MDFIC: variants seen among roughly 807,000 people sequenced by gnomAD.
MDFIC encodes the protein myoD family inhibitor domain-containing protein.
A neutral mutation model predicts 23.2 loss-of-function variants in MDFIC; 17 were observed. The observed-to-expected ratio is 0.73, with a 90% CI of 0.50 to 1.10. The LOEUF is 1.10. MDFIC is among the 50% of genes least tolerant of loss of function. The pLI is 0.00. For missense variants in MDFIC, 356 were observed against 316.6 expected, an observed-to-expected ratio of 1.12 and a Z score of -0.95; for synonymous variants, 120 against 115.2, an observed-to-expected ratio of 1.04 and a Z score of -0.27.
chr7:115,012,331 G>A lies in MDFIC; in HGVS notation c.494-3357G>A, dbSNP rs1332362743. ...GAATGGCCAATGAACATGAAAAAAT[G>A]TCCAAACCTATTAGGAAACAAGGAA... On this transcript the variant is annotated intron_variant, in intron 4 of 4. Transcript: ENST00000393486. 2.6e-5 allele frequency among the ~76,000 whole-genome samples: 4 copies of A among 152,132 alleles called. No homozygotes were observed. The South Asian group carries it at 6.2e-4, about 24-fold the overall frequency.
Position 114,922,519 on chromosome 7 carries a change from G to A in MDFIC, c.-225G>A, listed in dbSNP as rs945405932. 9.5e-6 allele frequency: 12 copies of A among 1,260,358 alleles called. No homozygotes were observed. In the African/African-American group the frequency reaches 1.2e-4, roughly 13 times the overall value. 78.1% of individuals were successfully genotyped at this position (1,260,358 alleles called of 1,614,324 possible). A position where few individuals can be genotyped will look rare whatever the true frequency, so the allele number is the denominator to read the frequency against. On this transcript the variant is annotated 5_prime_UTR_variant, in exon 1 of 5. Coordinates refer to ENST00000393486, the MANE Select transcript of MDFIC (RefSeq NM_001166345.3). ...AGGACGCGCAGGGGCGGCCGCCGCC[G>A]TCGTCAGGCCACCGGGGCGAAAATG...
intron 2 of MDFIC, among the ~76,000 whole-genome samples, chr7:114,935,349 A>G (rs1459107138): frequency 6.6e-6 from 1 of 152,052 alleles, no homozygotes; most frequent in Non-Finnish European, 1.5e-5. Flanking sequence ...TAACATGCAA[A>G]AGTCTCAAAA....
intron 3 of MDFIC, among the ~76,000 whole-genome samples, chr7:114,975,153 A>T (rs1291998521): frequency 6.6e-6 from 1 of 152,090 alleles, no homozygotes; most frequent in Non-Finnish European, 1.5e-5. Context: ...GAATGTTCAC[A>T]TATCAAACAA....
rs937976897 is a variant in MDFIC at position 114,922,240 on chromosome 7, C to T, written c.-504C>T. ...GCCCGGGTCGCGCCGCTCCCAGCAT[C>T]GGGGCCGCTAGCCAAGAGTTCGAGG... On this transcript the variant is annotated 5_prime_UTR_variant, in exon 1 of 5. Transcript: ENST00000393486. 5 of 575,890 alleles carry T rather than the reference C, an allele frequency of 8.7e-6. No individual in the cohort carries two copies. The highest frequency in any genetic ancestry group is 1.3e-5 in the Non-Finnish European group (5 of 389,672). 35.7% of individuals were successfully genotyped at this position (575,890 alleles called of 1,614,324 possible). A position where few individuals can be genotyped will look rare whatever the true frequency, so the allele number is the denominator to read the frequency against.
chr7:114,984,232 C>T (rs993885450), intron 4 of MDFIC, among the ~76,000 whole-genome samples: 3 of 152,174 alleles, frequency 2.0e-5, no homozygotes, highest in East Asian at 1.9e-4. Flanking sequence ...GCCCTTCTTA[C>T]CACAGTTTTA....
intron 3 of MDFIC, among the ~76,000 whole-genome samples, chr7:114,970,614 G>T (rs769313984): frequency 2.0e-5 from 3 of 152,108 alleles, no homozygotes; most frequent in Admixed American, 1.3e-4. Flanking sequence ...CCTTCCCCAG[G>T]ATTTACTCCT....
chr7:115,000,772 C>T (rs2709517), intron 4 of MDFIC, among the ~76,000 whole-genome samples: 64,474 of 152,020 alleles, frequency 0.42, 13,860 homozygotes, highest in Middle Eastern at 0.47. Context: ...TAGTCAGCAA[C>T]GCCAGGATGC....
intron 2 of MDFIC, among the ~76,000 whole-genome samples, chr7:114,941,070 G>T (rs1792527566): frequency 1.3e-5 from 2 of 151,988 alleles, no homozygotes; most frequent in Admixed American, 1.3e-4. Context: ...TCCCTCAGTT[G>T]AAATAGAATC....
At chr7:114,957,267 T>A (rs1464217910) in intron 3 of MDFIC, among the ~76,000 whole-genome samples, 1 of 152,172 alleles carries the variant, frequency 6.6e-6, no homozygotes, top group Non-Finnish European at 1.5e-5. Flanking sequence ...CGATTTTGCC[T>A]ATTTTTTTCT....
chr7:115,007,158 T>A (rs1791585468), intron 4 of MDFIC, among the ~76,000 whole-genome samples: 2 of 152,174 alleles, frequency 1.3e-5, no homozygotes, highest in African/African-American at 4.8e-5. Flanking sequence ...CTCCTTAGGT[T>A]AAAATAGAAT....
rs1791862683 is a variant in MDFIC, at chr7:115,019,641, C to T, written c.*3706C>T. 6.6e-6 allele frequency among the ~76,000 whole-genome samples: 1 copy of T among 152,032 alleles called. No individual in the cohort carries two copies. Among genetic ancestry groups the T allele is most frequent in the Non-Finnish European group, 1.5e-5 (1 of 67,966 alleles). On this transcript the variant is annotated 3_prime_UTR_variant, in exon 5 of 5. Coordinates refer to ENST00000393486, the MANE Select transcript of MDFIC (RefSeq NM_001166345.3). ...TCAAATTATTTAAGACCTTTATGCC[C>T]CTTCCAATTACTTGTGATTTGTAGG...
Position 115,018,227 on chromosome 7 carries a change from A to T in MDFIC, c.*2292A>T, listed in dbSNP as rs948651347. 1 of 152,024 alleles carries T rather than the reference A, an allele frequency of 6.6e-6. No individual in the cohort carries two copies. Among genetic ancestry groups the T allele is most frequent in the Admixed American group, 6.6e-5 (1 of 15,260 alleles). 9.4% of individuals were successfully genotyped at this position (152,024 alleles called of 1,614,324 possible). A position where few individuals can be genotyped will look rare whatever the true frequency, so the allele number is the denominator to read the frequency against. ...ATATACCCAAAATTAACTTATGCTC[A>T]TATATTAGGATGTGAGAATATCATC... is the stretch of plus-strand genomic sequence containing the variant. On this transcript the variant is annotated 3_prime_UTR_variant, in exon 5 of 5. Transcript: ENST00000393486.
At chr7:114,990,886 A>G (rs1356708091) in intron 4 of MDFIC, among the ~76,000 whole-genome samples, 1 of 152,088 alleles carries the variant, frequency 6.6e-6, no homozygotes, top group African/African-American at 2.4e-5. Context: ...GCTGGGTCAA[A>G]TGGTATTTCT....
intron 2 of MDFIC, chr7:114,923,681 C>A: frequency 2.1e-6 from 3 of 1,403,018 alleles, no homozygotes; most frequent in Admixed American, 5.9e-5. Flanking sequence ...GAATTAGCTT[C>A]TTTGTGTTCT....
At chr7:114,959,912 G>A (rs112859641) in intron 3 of MDFIC, among the ~76,000 whole-genome samples, 14 of 151,988 alleles carry the variant, frequency 9.2e-5, no homozygotes, top group African/African-American at 3.4e-4. Flanking sequence ...TTTCTCGTCA[G>A]CCACTTCCTA....
intron 4 of MDFIC, chr7:115,014,442 T>C: frequency 1.6e-6 from 2 of 1,289,774 alleles, no homozygotes; most frequent in Non-Finnish European, 2.0e-6. Flanking sequence ...TGGTTTTCTT[T>C]CCTACATCTT....
At chr7:114,996,733 T>G (rs1791341063) in intron 4 of MDFIC, among the ~76,000 whole-genome samples, 1 of 152,136 alleles carries the variant, frequency 6.6e-6, no homozygotes, top group Non-Finnish European at 1.5e-5. Context: ...AAATCAGCGA[T>G]TATGATTCAT....
chr7:114,973,590 C>T (rs967071724), intron 3 of MDFIC, among the ~76,000 whole-genome samples: 3 of 152,096 alleles, frequency 2.0e-5, no homozygotes, highest in Non-Finnish European at 4.4e-5. Flanking sequence ...ATCTCTTACT[C>T]CAGGCATTAT....
At position 114,948,720 on chromosome 7, in the gene MDFIC, G is replaced by T. The variant is rs541186841; in HGVS notation, c.217+6323G>T. On this transcript the variant is annotated intron_variant, in intron 3 of 4. Transcript: ENST00000393486. ...ATAGATATTGTTCATCAGTATAAAG[G>T]TATATATAATGAAATCCATTACTAT... 1.1e-4 allele frequency among the ~76,000 whole-genome samples: 16 copies of T among 152,030 alleles called. 1 individual carries two copies. Among genetic ancestry groups the T allele is most frequent in the Middle Eastern group, 3.4e-3 (1 of 294 alleles).
Sources: allele counts gnomAD v4.1 joint callset (sites outside exome capture counted in the v4.1 genomes callset), GRCh38; gene constraint gnomAD v4.1.1; transcripts MANE v1.5; gene names NCBI Gene and HGNC (gene_info 2026-07-23, HGNC 2026-07-21).